PARVB: variants seen among roughly 807,000 people sequenced by gnomAD.
PARVB encodes parvin beta.
In PARVB, 46 loss-of-function variants were observed where a neutral mutation model predicts 47.0. The ratio of observed to expected loss-of-function variants is 0.98; its 90% CI spans 0.77 to 1.25. The LOEUF (loss-of-function observed/expected upper bound fraction) is 1.25, where lower values mean the gene tolerates loss of function less well. Among genes scored for constraint, PARVB ranks in the 50% most tolerant of loss-of-function variants. The pLI, the probability that PARVB is intolerant of heterozygous loss-of-function variation, is 0.00. For synonymous variants in PARVB, 196 were observed against 196.3 expected (o/e 1.00, Z 0.01); for missense variants, 473 against 471.6 (o/e 1.00, Z -0.03).
At chr22:44,069,260 A>G (rs2051600506) in intron 1 of PARVB, 1 of 1,118,910 alleles carries the variant, frequency 8.9e-7, no homozygotes, top group African/African-American at 1.5e-5. Context: ...GTTTTGCAAG[A>G]ATGGACCCTG....
chr22:44,124,780 G>A (rs182374425), intron 4 of PARVB, among the ~76,000 whole-genome samples: 2 of 152,360 alleles, frequency 1.3e-5, no homozygotes, highest in Admixed American at 6.5e-5. Flanking sequence ...GGTGACTGGG[G>A]TGGGATCATG....
At chr22:44,100,197 G>A (rs2052410019) in intron 3 of PARVB, 74 bp downstream of exon 3, 2 of 1,180,168 alleles carry the variant, frequency 1.7e-6, no homozygotes, top group East Asian at 2.3e-5. Context: ...GGCTCTCATG[G>A]ACAAAGGGAG....
intron 1 of PARVB, among the ~76,000 whole-genome samples, chr22:44,027,828 G>T (rs2050755803): frequency 6.6e-6 from 1 of 151,592 alleles, no homozygotes; most frequent in East Asian, 1.9e-4. Flanking sequence ...AACCTGGGAG[G>T]TGGAGGTTGC....
intron 2 of PARVB, among the ~76,000 whole-genome samples, chr22:44,097,520 G>C (rs1253099055): frequency 6.6e-6 from 1 of 152,218 alleles, no homozygotes; most frequent in Non-Finnish European, 1.5e-5. Context: ...GAGCTCTGGA[G>C]CCCCCAGATA....
At chr22:44,154,045 T>A (rs919075364) in intron 10 of PARVB, among the ~76,000 whole-genome samples, 2 of 152,190 alleles carry the variant, frequency 1.3e-5, no homozygotes, top group Admixed American at 6.5e-5. Flanking sequence ...CCCCTGGTAC[T>A]GTCATGGGGC....
At chr22:44,023,337 C>T (rs985724643), upstream of PARVB, among the ~76,000 whole-genome samples, 1 of 151,712 alleles carries the variant, frequency 6.6e-6, no homozygotes. Flanking sequence ...ATGGCAAAAC[C>T]GCATCTCTAC....
At chr22:44,129,729 A>T (rs146911669) in intron 4 of PARVB, among the ~76,000 whole-genome samples, 22 of 152,334 alleles carry the variant, frequency 1.4e-4, no homozygotes, top group Non-Finnish European at 2.4e-4. Context: ...ATAAGCGGGA[A>T]TCGTTTCCAC....
chr22:44,162,312 TTTTG>T (rs368466353), intron 11 of PARVB, among the ~76,000 whole-genome samples: 326 of 152,292 alleles, frequency 2.1e-3, no homozygotes, highest in East Asian at 0.012. Flanking sequence ...TGAAAGGATT[TTTTG>T]TTTGTTTGTT....
At chr22:44,078,083 A>G (rs2051818071) in intron 1 of PARVB, among the ~76,000 whole-genome samples, 1 of 151,996 alleles carries the variant, frequency 6.6e-6, no homozygotes, top group Non-Finnish European at 1.5e-5. Flanking sequence ...CGTGTGGTGG[A>G]AGGAGCCTGA....
In PARVB at chr22:44,024,359, C is replaced by G; in HGVS notation, c.20C>G (p.Ser7Trp). Residue 7 changes from serine (S) to tryptophan (W), a missense_variant, in exon 1 of 13, where the codon TCG (serine) becomes TGG (tryptophan). Coordinates refer to ENST00000338758, the MANE Select transcript of PARVB (RefSeq NM_013327.5). ...CGGCCCATGTCCTCCGCGCCGCGCTCGCCCACCCCGCGGCCCCGCAGGATG... is the reference window on the plus strand; with the variant it reads ...CGGCCCATGTCCTCCGCGCCGCGCTGGCCCACCCCGCGGCCCCGCAGGATG... MSSAPR[S>W]PTPRPRRMKK... 1 of 1,150,726 alleles carries G rather than the reference C, an allele frequency of 8.7e-7. No homozygotes were observed. The highest frequency in any genetic ancestry group is 1.6e-5 in the African/African-American group (1 of 60,984). The allele number at this position is 1,150,726 out of a possible 1,614,324, so 71.3% of individuals were successfully genotyped here.
chr22:44,162,169 ACT>A lies in PARVB; in HGVS notation c.946-1688_946-1687del, dbSNP rs1482243567. Among the ~76,000 whole-genome samples the A allele has an allele frequency of 5.9e-5, 9 of 152,358 alleles. No individual in the cohort carries two copies. In the East Asian group the frequency reaches 1.7e-3, roughly 29 times the overall value. ...TGGAAGCTTTTCCAAAGCACCCCACACTGTTTTCCAGTGTTGTTCGTTTGATT... is the reference window on the plus strand; with the variant it reads ...TGGAAGCTTTTCCAAAGCACCCCACAGTTTTCCAGTGTTGTTCGTTTGATT... On this transcript the variant is annotated intron_variant, in intron 11 of 12. Coordinates refer to ENST00000338758, the MANE Select transcript of PARVB (RefSeq NM_013327.5).
intron 2 of PARVB, among the ~76,000 whole-genome samples, chr22:44,014,454 T>C (rs1339805019): frequency 1.3e-5 from 2 of 152,166 alleles, no homozygotes; most frequent in African/African-American, 4.8e-5. Context: ...AAGTGTACAA[T>C]GTATGCATAG....
intron 12 of PARVB, among the ~76,000 whole-genome samples, chr22:44,167,000 G>A (rs1050707698): frequency 5.9e-5 from 9 of 152,196 alleles, no homozygotes; most frequent in African/African-American, 1.9e-4. Flanking sequence ...CTGCAGGCCT[G>A]AGACTGCCCT....
At chr22:44,119,235 A>G in intron 4 of PARVB, 95 bp downstream of exon 4, 1 of 855,436 alleles carries the variant, frequency 1.2e-6, no homozygotes, top group Non-Finnish European at 2.0e-6. Flanking sequence ...CATCGGCCAC[A>G]GGTCCTAGGA....
intron 1 of PARVB, among the ~76,000 whole-genome samples, chr22:44,047,908 C>T (rs941776015): frequency 5.3e-5 from 8 of 152,266 alleles, no homozygotes; most frequent in East Asian, 1.9e-4. Context: ...TGGGGGTGGG[C>T]GGTGCCTCCC....
chr22:44,086,937 G>A (rs983795112), intron 1 of PARVB: 8 of 581,528 alleles, frequency 1.4e-5, no homozygotes, highest in African/African-American at 6.1e-5. Flanking sequence ...GAAGGATCCC[G>A]ATGCCCCCTC....
chr22:44,072,863 G>A (rs958918238), intron 1 of PARVB, among the ~76,000 whole-genome samples: 5 of 152,186 alleles, frequency 3.3e-5, no homozygotes, highest in African/African-American at 1.2e-4. Flanking sequence ...TAGGGATAAA[G>A]GACTGGAACT....
rs2053169379 is a variant in PARVB, at chr22:44,125,581, C to CTCT, written c.377-5906_377-5905insTCT. 6.6e-6 allele frequency among the ~76,000 whole-genome samples: 1 copy of CTCT among 152,008 alleles called. No individual in the cohort carries two copies. The highest frequency in any genetic ancestry group is 6.6e-5 in the Admixed American group (1 of 15,266). On this transcript the variant is annotated intron_variant, in intron 4 of 12. Coordinates refer to ENST00000338758, the MANE Select transcript of PARVB (RefSeq NM_013327.5). This position sits in a 1 kb window ranked among gnomAD's most constrained non-coding sequence, Gnocchi z 4.1. ...GGCGTTCTGGGCTGAGGCTCTAAAG[C>CTCT]GAGAAAGAGCCTGTTGTGTTGGAGG...
At position 44,131,022 on chromosome 22, in the gene PARVB, ATCTC is replaced by A. The variant is rs1405816140; in HGVS notation, c.377-460_377-457del. On this transcript the variant is annotated intron_variant, in intron 4 of 12. Coordinates refer to ENST00000338758, the MANE Select transcript of PARVB (RefSeq NM_013327.5). ...TGGTGGTTTTGAGTTCCTCCAGTAT[ATCTC>A]TCTCCCCTTCCTCCCTCCCTCCCTC... 1.2e-4 allele frequency among the ~76,000 whole-genome samples: 10 copies of A among 81,076 alleles called. No individual in the cohort carries two copies. In the East Asian group the frequency reaches 4.3e-3, roughly 35 times the overall value. The allele number at this position is 81,076 out of a possible 152,430, so 53.2% of individuals were successfully genotyped here. A position where few individuals can be genotyped will look rare whatever the true frequency, so the allele number is the denominator to read the frequency against.
Sources: allele counts gnomAD v4.1 joint callset (sites outside exome capture counted in the v4.1 genomes callset), GRCh38; gene constraint gnomAD v4.1.1; non-coding constraint Gnocchi (gnomAD v3.1); transcripts MANE v1.5; gene names NCBI Gene and HGNC (gene_info 2026-07-23, HGNC 2026-07-21).